The following CNTLN variants were observed in gnomAD, a reference collection of about 807,000 sequenced individuals.
The protein encoded by CNTLN is centlein.
Under a neutral mutation model 180.0 loss-of-function variants are expected in CNTLN, and 212 were observed. The ratio of observed to expected loss-of-function variants is 1.18; its 90% CI spans 1.05 to 1.32. The LOEUF (loss-of-function observed/expected upper bound fraction) is 1.32, where lower values mean the gene tolerates loss of function less well. CNTLN is among the 40% of genes most tolerant of loss of function. CNTLN has a pLI of 0.00. For missense variants in CNTLN, 2,095 were observed against 1,610.9 expected, an observed-to-expected ratio of 1.30 and a Z score of -5.14; for synonymous variants, 722 against 563.1, an observed-to-expected ratio of 1.28 and a Z score of -3.99.
chr9:17,299,082 A>G (rs1403200543), intron 7 of CNTLN: 5 of 327,230 alleles, frequency 1.5e-5, no homozygotes, highest in Admixed American at 6.5e-5. Context: ...TTTCTACTAA[A>G]AATACAAAAA....
chr9:17,504,325 C>G (rs1564160017), downstream of CNTLN, among the ~76,000 whole-genome samples: 2 of 152,082 alleles, frequency 1.3e-5, no homozygotes, highest in Non-Finnish European at 2.9e-5. Context: ...CACAGGAAAG[C>G]ACGAGTAATA....
chr9:17,242,304 G>T (rs1351211005), intron 5 of CNTLN, among the ~76,000 whole-genome samples: 4 of 134,894 alleles, frequency 3.0e-5, no homozygotes, highest in East Asian at 2.0e-4. Flanking sequence ...TGATCATGTG[G>T]TTTTTTTTTT....
the CNTLN span, among the ~76,000 whole-genome samples, chr9:17,526,112 T>C: frequency 6.6e-6 from 1 of 152,094 alleles, no homozygotes; most frequent in East Asian, 1.9e-4. Context: ...ATTTTTTGTA[T>C]TTTTAGTAGA....
At chr9:17,324,382 A>C (rs1820121926) in intron 8 of CNTLN, among the ~76,000 whole-genome samples, 1 of 152,192 alleles carries the variant, frequency 6.6e-6, no homozygotes, top group South Asian at 2.1e-4. Context: ...TTATTTTGCT[A>C]TTTAAGATAA....
At chr9:17,511,602 C>G in the CNTLN span, among the ~76,000 whole-genome samples, 1 of 151,662 alleles carries the variant, frequency 6.6e-6, no homozygotes, top group Admixed American at 6.6e-5. Context: ...CTTTGCCACA[C>G]GAGTCTCTTC....
intron 8 of CNTLN, among the ~76,000 whole-genome samples, chr9:17,323,805 A>G (rs1289108202): frequency 1.3e-5 from 2 of 152,200 alleles, no homozygotes; most frequent in African/African-American, 4.8e-5. Context: ...CTAATAATTT[A>G]TCATCCTTTT....
intron 8 of CNTLN, among the ~76,000 whole-genome samples, chr9:17,322,056 ATTAT>A (rs1819951472): frequency 6.6e-6 from 1 of 152,140 alleles, no homozygotes; most frequent in South Asian, 2.1e-4. Flanking sequence ...ATTCTTCAGC[ATTAT>A]TGTAAATGAA....
intron 7 of CNTLN, among the ~76,000 whole-genome samples, chr9:17,304,748 A>G (rs1412562918): frequency 6.6e-6 from 1 of 152,186 alleles, no homozygotes; most frequent in Non-Finnish European, 1.5e-5. Context: ...AATAAGAAAA[A>G]GTATAACAAC....
chr9:17,506,127 G>C (rs1833928662), downstream of CNTLN, among the ~76,000 whole-genome samples: 1 of 151,618 alleles, frequency 6.6e-6, no homozygotes, highest in Non-Finnish European at 1.5e-5. Flanking sequence ...CACACATTCA[G>C]ACATAAATTA....
the CNTLN span, among the ~76,000 whole-genome samples, chr9:17,521,265 A>AAGAGAGAGAAAGAGAGAGAGAGAG: frequency 8.4e-6 from 1 of 118,508 alleles, no homozygotes; most frequent in African/African-American, 3.1e-5. Flanking sequence ...AAGGGAGAAA[A>AAGAGAGAGAAAGAGAGAGAGAGAG]AGAGAGAGAG....
chr9:17,298,728 T>G (rs679666), intron 7 of CNTLN: 44 of 990,274 alleles, frequency 4.4e-5, no homozygotes, highest in African/African-American at 2.4e-4. Flanking sequence ...ATTGTAAAAT[T>G]TGTACATTAT....
At chr9:17,216,080 C>A (rs1452738780) in intron 2 of CNTLN, among the ~76,000 whole-genome samples, 1 of 152,136 alleles carries the variant, frequency 6.6e-6, no homozygotes, top group Admixed American at 6.5e-5. Flanking sequence ...ATCTGACAAG[C>A]CCCAGTGAGT....
Position 17,418,641 on chromosome 9 carries a change from A to C in CNTLN, c.3114+2452A>C, listed in dbSNP as rs189819670. Among the ~76,000 whole-genome samples, 547 of 152,082 alleles carry C rather than the reference A, an allele frequency of 3.6e-3. 1 individual carries two copies. Among genetic ancestry groups the C allele is most frequent in the African/African-American group, 0.012 (516 of 41,542 alleles). ...TTCCTATATGCTCGGTAAATATTCT[A>C]ATTTAATTATTTTATATCTGTATCT... On this transcript the variant is annotated intron_variant, in intron 18 of 25. Transcript: ENST00000380647.
At chr9:17,290,581 G>T (rs1390653999) in intron 6 of CNTLN, among the ~76,000 whole-genome samples, 2 of 140,304 alleles carry the variant, frequency 1.4e-5, no homozygotes, top group East Asian at 2.0e-4. Context: ...AGGAAGCCTG[G>T]GCAATGGCGG....
chr9:17,472,062 G>C (rs1588070901), intron 23 of CNTLN, among the ~76,000 whole-genome samples: 1 of 152,082 alleles, frequency 6.6e-6, no homozygotes, highest in East Asian at 1.9e-4. Context: ...GCATTATGAA[G>C]TATATTTCAA....
the CNTLN span, among the ~76,000 whole-genome samples, chr9:17,514,138 T>C: frequency 2.8e-5 from 3 of 108,004 alleles, no homozygotes; most frequent in Admixed American, 1.2e-4. Context: ...TGAGACCCCA[T>C]TTCTGCAAAT....
At chr9:17,423,506 G>C (rs11999200) in intron 18 of CNTLN, among the ~76,000 whole-genome samples, 2,767 of 152,080 alleles carry the variant, frequency 0.018, 82 homozygotes, top group African/African-American at 0.063. Context: ...TCCCTGCCTG[G>C]AGTAAAGGGA....
At chr9:17,464,900 C>T (rs1246618009) in intron 21 of CNTLN, among the ~76,000 whole-genome samples, 2 of 151,120 alleles carry the variant, frequency 1.3e-5, no homozygotes, top group Non-Finnish European at 3.0e-5. Flanking sequence ...TACATAATTA[C>T]ATTTTATTCA....
In CNTLN at chr9:17,186,738, T is replaced by C. The variant is rs74457348; in HGVS notation, c.450-39465T>C. On this transcript the variant is annotated intron_variant, in intron 2 of 25. Transcript: ENST00000380647. The stretch of plus-strand genomic sequence containing the variant: ...TTACCTTATTTAATTTAGATACTTA[T>C]TGCCTGAAATGTTTCAGAATATCAT... Among the ~76,000 whole-genome samples the C allele has an allele frequency of 8.4e-3, 1,273 of 152,240 alleles. 23 individuals carry two copies. The highest frequency in any genetic ancestry group is 0.028 in the African/African-American group (1,152 of 41,560).
Sources: gnomAD v4.1 joint callset for allele counts (sites outside exome capture counted in the v4.1 genomes callset) on GRCh38, gnomAD v4.1.1 for gene constraint, MANE v1.5 for transcripts, NCBI Gene and HGNC (gene_info 2026-07-23, HGNC 2026-07-21) for gene names.